UTP4: variants seen among roughly 807,000 people sequenced by gnomAD.
The protein encoded by UTP4 is U3 small nucleolar RNA-associated protein 4 homolog.
UTP4 carries 45 observed loss-of-function variants against 82.4 expected under a neutral mutation model. The observed-to-expected ratio is 0.55, with a 90% CI of 0.43 to 0.70. The LOEUF is 0.70. UTP4 is among the 30% of genes least tolerant of loss of function. The pLI, the probability that UTP4 is intolerant of heterozygous loss-of-function variation, is 0.00. For synonymous variants in UTP4, 348 were observed against 300.3 expected (o/e 1.16, Z -1.64); for missense variants, 819 against 858.3 (o/e 0.95, Z 0.57).
At chr16:69,145,800 G>A (rs969020470) in intron 6 of UTP4, among the ~76,000 whole-genome samples, 10 of 152,156 alleles carry the variant, frequency 6.6e-5, no homozygotes, top group Non-Finnish European at 8.8e-5. Flanking sequence ...GGTTAAGGCA[G>A]TGTGGTGTTC....
Position 69,168,809 on chromosome 16 carries a change from A to G in UTP4, c.1945-12A>G, listed in dbSNP as rs199746034. On this transcript the variant is annotated splice_polypyrimidine_tract_variant and intron_variant, in intron 16 of 16. Transcript: ENST00000314423. Reference sequence around the variant, plus strand: ...CCTAAGTCCTGATAGAATAATTATCATCCCTCTGCAGCCTCTACTCTTCAT... The same window carrying G: ...CCTAAGTCCTGATAGAATAATTATCGTCCCTCTGCAGCCTCTACTCTTCAT... 7.9e-5 allele frequency: 121 copies of G among 1,528,842 alleles called. No homozygotes were observed. The East Asian group carries it at 2.4e-3, about 30-fold the overall frequency. 94.7% of individuals were successfully genotyped at this position (1,528,842 alleles called of 1,614,324 possible).
intron 12 of UTP4, among the ~76,000 whole-genome samples, chr16:69,158,551 AT>A (rs1461013142): frequency 1.3e-5 from 2 of 152,136 alleles, no homozygotes; most frequent in Non-Finnish European, 2.9e-5. Context: ...TAGGGGTCAG[AT>A]AAATCAAACT....
chr16:69,153,377 A>G (rs184225243), intron 8 of UTP4, among the ~76,000 whole-genome samples: 1 of 152,338 alleles, frequency 6.6e-6, no homozygotes, highest in Non-Finnish European at 1.5e-5. Flanking sequence ...CTTTAGAAGC[A>G]TGTTGAGAGC....
At chr16:69,160,598 C>CA in intron 13 of UTP4, 136 bp downstream of exon 13, 1 of 576,226 alleles carries the variant, frequency 1.7e-6, no homozygotes, top group Admixed American at 3.0e-5. Flanking sequence ...CTTTTCTTTT[C>CA]TTTTTTTTTT....
At chr16:69,155,486 A>G (rs1237425939) in intron 10 of UTP4, among the ~76,000 whole-genome samples, 3 of 152,144 alleles carry the variant, frequency 2.0e-5, no homozygotes, top group Admixed American at 6.5e-5. Context: ...TTCATTTGCT[A>G]TTTCTTAGAA....
chr16:69,140,175 C>T (rs1465920513), intron 5 of UTP4, among the ~76,000 whole-genome samples: 1 of 152,124 alleles, frequency 6.6e-6, no homozygotes, highest in Non-Finnish European at 1.5e-5. Context: ...TGAACTAGTA[C>T]ATTCGTGTAC....
intron 14 of UTP4, among the ~76,000 whole-genome samples, chr16:69,164,962 G>A (rs1440669040): frequency 6.6e-6 from 1 of 152,162 alleles, no homozygotes; most frequent in African/African-American, 2.4e-5. Context: ...TTGGGAGGCT[G>A]AGGCGGGCAG....
intron 2 of UTP4, among the ~76,000 whole-genome samples, chr16:69,135,811 A>T (rs1235088597): frequency 6.6e-6 from 1 of 152,172 alleles, no homozygotes; most frequent in Non-Finnish European, 1.5e-5. Context: ...AGATCACCTG[A>T]GGTCGGGAAT....
Position 69,165,376 on chromosome 16 carries a change from A to T in UTP4, c.1683A>T (p.Thr561=). 1 of 1,614,164 alleles carries T rather than the reference A, an allele frequency of 6.2e-7. No homozygotes were observed. Among genetic ancestry groups the T allele is most frequent in the Non-Finnish European group, 8.5e-7 (1 of 1,180,044 alleles). The change falls in exon 15 of 17, where the codon ACA becomes ACT. Residue 561 remains threonine (T), a synonymous_variant. Coordinates refer to ENST00000314423, the MANE Select transcript of UTP4 (RefSeq NM_032830.3). ...FEYSIPDKQY[T]DWSRTVQKQG... is the part of the protein sequence containing the mutation. ...ACAGCATCCCAGACAAACAGTATAC[A>T]GATTGGAGCCGGACTGTCCAGAAGC...
intron 15 of UTP4, 75 bp downstream of exon 15, chr16:69,165,601 A>G (rs769693342): frequency 2.4e-6 from 3 of 1,228,738 alleles, no homozygotes; most frequent in Non-Finnish European, 3.6e-6. Flanking sequence ...ACAATAAGGT[A>G]AGAGGACAGA....
intron 13 of UTP4, among the ~76,000 whole-genome samples, 191 bp from the exon 14 acceptor site, chr16:69,162,892 A>G (rs1023552323): frequency 9.5e-5 from 14 of 147,316 alleles, no homozygotes; most frequent in African/African-American, 3.4e-4. Flanking sequence ...CTCCATCTCA[A>G]AAAAAAAAAA....
chr16:69,140,114 A>G (rs545812157), intron 5 of UTP4, among the ~76,000 whole-genome samples, 200 bp downstream of exon 5: 1 of 152,364 alleles, frequency 6.6e-6, no homozygotes, highest in East Asian at 1.9e-4. Context: ...GATCTTCAGT[A>G]AGATATAGTA....
rs1482496002 is a variant in UTP4 at position 69,150,630 on chromosome 16, G to T, written c.832G>T (p.Val278Leu). The T allele has an allele frequency of 1.9e-6, 3 of 1,614,108 alleles. No individual in the cohort carries two copies. Among genetic ancestry groups the T allele is most frequent in the Admixed American group, 1.7e-5 (1 of 59,990 alleles). ...ATCTAACAGCAGTGAGAAGCAGTGG[G>T]TGCGGACAAAACCGTTCCAGCATCA... The part of the protein sequence containing the change: ...VTSNSSEKQW[V>L]RTKPFQHHTH... The change falls in exon 7 of 17, where the codon GTG (valine) becomes TTG (leucine). Residue 278 changes from valine to leucine, a missense_variant. Physicochemically the swap from Val to Leu is conservative, Grantham distance 32 (BLOSUM62 1). Transcript: ENST00000314423.
intron 6 of UTP4, among the ~76,000 whole-genome samples, chr16:69,143,807 C>T (rs1963033441): frequency 6.6e-6 from 1 of 152,204 alleles, no homozygotes; most frequent in Non-Finnish European, 1.5e-5. Context: ...GGGGGATCCT[C>T]CCATCTCAGC....
chr16:69,133,396 A>T lies in UTP4; in HGVS notation c.-2-62A>T, dbSNP rs1052687993. 2.0e-6 allele frequency: 3 copies of T among 1,505,560 alleles called. No homozygotes were observed. The African/African-American group carries it at 4.1e-5, about 21-fold the overall frequency. 93.3% of individuals were successfully genotyped at this position (1,505,560 alleles called of 1,614,324 possible). A position where few individuals can be genotyped will look rare whatever the true frequency, so the allele number is the denominator to read the frequency against. ...CAGAACAGTGATATTAAGGAACTGA[A>T]TACTATATGTGACATACTGCAGTTA... On this transcript the variant is annotated intron_variant, in intron 1 of 16. Coordinates refer to ENST00000314423, the MANE Select transcript of UTP4 (RefSeq NM_032830.3).
At chr16:69,155,762 G>C in intron 10 of UTP4, 109 bp from the exon 11 acceptor site, 2 of 1,117,936 alleles carry the variant, frequency 1.8e-6, no homozygotes, top group Admixed American at 1.7e-5. Context: ...ATTATGTGTA[G>C]ATATCTGTGG....
chr16:69,156,051 T>G (rs1423955489), intron 11 of UTP4, 58 bp downstream of exon 11: 1 of 1,568,578 alleles, frequency 6.4e-7, no homozygotes, highest in Non-Finnish European at 8.8e-7. Flanking sequence ...TATGTCATTT[T>G]TGTGTGAAGT....
rs887872162 is a variant in UTP4, at chr16:69,143,163, T to C, written c.527-15T>C. 33 of 1,613,038 alleles carry C rather than the reference T, an allele frequency of 2.0e-5. No individual in the cohort carries two copies. The highest frequency in any genetic ancestry group is 4.5e-5 in the East Asian group (2 of 44,874). On this transcript the variant is annotated splice_polypyrimidine_tract_variant and intron_variant, in intron 5 of 16. Coordinates refer to ENST00000314423, the MANE Select transcript of UTP4 (RefSeq NM_032830.3). ...AATAAGTACCATTTGAAGGTGTGCT[T>C]TTCTGATTTTTCAGGCAGCGCTGTT...
rs762688244 is a variant in UTP4 at position 69,165,475 on chromosome 16, G to A, written c.1782G>A (p.Met594Ile). Residue 594 changes from methionine to isoleucine, a missense_variant, in exon 15 of 17, where the codon ATG (methionine) becomes ATA (isoleucine). By Grantham distance (10) the Met-to-Ile change is conservative. Transcript: ENST00000314423. ...THISFHPKRP[M>I]HILLHDAYMF... ...TCAGTTTTCATCCCAAGAGACCGAT[G>A]CACATCCTTCTCCATGATGCCTACA... The A allele has an allele frequency of 2.5e-6, 4 of 1,614,182 alleles. No homozygotes were observed. Among genetic ancestry groups the A allele is most frequent in the Non-Finnish European group, 3.4e-6 (4 of 1,180,014 alleles).
Sources: gnomAD v4.1 joint callset for allele counts (sites outside exome capture counted in the v4.1 genomes callset) on GRCh38, gnomAD v4.1.1 for gene constraint, MANE v1.5 for transcripts, NCBI Gene and HGNC (gene_info 2026-07-23, HGNC 2026-07-21) for gene names.